The following NCAPG2 variants were observed in gnomAD, a reference collection of about 807,000 sequenced individuals.
NCAPG2 encodes the protein condensin-2 complex subunit G2.
NCAPG2 carries 53 observed loss-of-function variants against 141.1 expected under a neutral mutation model. The ratio of observed to expected loss-of-function variants is 0.38; its 90% CI spans 0.30 to 0.47. The LOEUF (loss-of-function observed/expected upper bound fraction) is 0.47, where lower values mean the gene tolerates loss of function less well. Ranked by LOEUF, NCAPG2 falls within the 20% of genes least tolerant of loss-of-function variation. The pLI is 0.99. For missense variants in NCAPG2, 1,087 were observed against 1,389.0 expected (o/e 0.78, Z 3.46); for synonymous variants, 499 against 490.7 (o/e 1.02, Z -0.22).
intron 9 of NCAPG2, among the ~76,000 whole-genome samples, chr7:158,682,103 T>A (rs981797661): frequency 2.0e-5 from 3 of 152,156 alleles, no homozygotes; most frequent in African/African-American, 7.2e-5. Flanking sequence ...TTCCATAAAT[T>A]TACCAAATAG....
intron 8 of NCAPG2, among the ~76,000 whole-genome samples, chr7:158,685,045 G>A (rs780718599): frequency 3.0e-4 from 46 of 152,202 alleles, no homozygotes; most frequent in Non-Finnish European, 6.2e-4. Context: ...ATAGAACACA[G>A]GGTTGTGAGA....
intron 22 of NCAPG2, among the ~76,000 whole-genome samples, chr7:158,652,950 G>C (rs772728843): frequency 7.2e-5 from 11 of 152,170 alleles, no homozygotes; most frequent in Non-Finnish European, 1.6e-4. Flanking sequence ...AATAAAAGTA[G>C]ATTTGGTCCT....
rs779377814 is a variant in NCAPG2, at chr7:158,692,921, A to T, written c.303T>A (p.Ser101=). 9.4e-6 allele frequency: 15 copies of T among 1,590,140 alleles called. No individual in the cohort carries two copies. The African/African-American group carries it at 1.5e-4, about 16-fold the overall frequency. ...TTACAGACACAGAAGCAAGAATCAC[A>T]GATGTAATTGCATAAATTATTTCTA... The part of the protein sequence containing the change: ...KSIEIIYAIT[S]VILASVSVIN... The change falls in exon 4 of 28, where the codon TCT becomes TCA. Residue 101 remains serine (S), a synonymous_variant. Coordinates refer to ENST00000356309, the MANE Select transcript of NCAPG2 (RefSeq NM_017760.7).
chr7:158,656,388 G>C lies in NCAPG2; in HGVS notation c.2260C>G (p.Pro754Ala). The C allele has an allele frequency of 1.2e-6, 2 of 1,614,152 alleles. No homozygotes were observed. Among genetic ancestry groups the C allele is most frequent in the Non-Finnish European group, 1.7e-6 (2 of 1,180,028 alleles). ...ACCAATGCCAATTCAGGTTTGACTG[G>C]GCGTGTGTCATGGATCTGCACCCTA... ...KGRVQIHDTR[P>A]VKPELALVYI... The change falls in exon 19 of 28, where the codon CCA (proline) becomes GCA (alanine). Residue 754 changes from proline to alanine, a missense_variant. Coordinates refer to ENST00000356309, the MANE Select transcript of NCAPG2 (RefSeq NM_017760.7).
intron 8 of NCAPG2, 70 bp from the exon 9 acceptor site, chr7:158,683,456 G>A (rs6969248): frequency 0.89 from 977,401 of 1,098,634 alleles, 435,188 homozygotes; most frequent in Admixed American, 0.95. Flanking sequence ...CAAGCAGTGC[G>A]GCATTTGAGT....
At chr7:158,638,154 CA>C (rs1324416202) in intron 27 of NCAPG2, among the ~76,000 whole-genome samples, 2 of 151,998 alleles carry the variant, frequency 1.3e-5, no homozygotes, top group Admixed American at 6.5e-5. Flanking sequence ...CAAAAACAAA[CA>C]AAAAAATCCC....
At chr7:158,675,085 T>C (rs529055941) in intron 12 of NCAPG2, among the ~76,000 whole-genome samples, 3 of 152,350 alleles carry the variant, frequency 2.0e-5, no homozygotes, top group African/African-American at 7.2e-5. Flanking sequence ...ATGTGAGTTC[T>C]TCTTGCAAGG....
intron 8 of NCAPG2, among the ~76,000 whole-genome samples, chr7:158,685,243 A>G (rs186012833): frequency 6.6e-5 from 10 of 152,330 alleles, no homozygotes; most frequent in African/African-American, 2.4e-4. Flanking sequence ...TATTCACCAG[A>G]GTTACCCATA....
At chr7:158,651,902 A>G (rs897778943) in intron 23 of NCAPG2, among the ~76,000 whole-genome samples, 30 of 152,254 alleles carry the variant, frequency 2.0e-4, no homozygotes. Context: ...AAAGAAAGGT[A>G]TATTTTATTT....
intron 13 of NCAPG2, among the ~76,000 whole-genome samples, chr7:158,668,874 CAAG>C (rs1450374376): frequency 1.3e-5 from 2 of 152,142 alleles, no homozygotes; most frequent in African/African-American, 4.8e-5. Context: ...ACCTAGGTAT[CAAG>C]CCCAGCATCC....
chr7:158,681,524 A>C (rs1183501733), intron 9 of NCAPG2, among the ~76,000 whole-genome samples: 1 of 152,246 alleles, frequency 6.6e-6, no homozygotes, highest in Admixed American at 6.5e-5. Context: ...TTGAAAGATT[A>C]AACAGGCTGT....
chr7:158,677,559 C>T (rs1185632399), intron 11 of NCAPG2, among the ~76,000 whole-genome samples: 8 of 91,596 alleles, frequency 8.7e-5, no homozygotes, highest in Non-Finnish European at 1.4e-4. Flanking sequence ...CAGAAAAGAA[C>T]TTTAGGAATC....
Position 158,636,128 on chromosome 7 carries a change from G to A in NCAPG2, c.3381-4411C>T, listed in dbSNP as rs1378027326. 6.6e-5 allele frequency among the ~76,000 whole-genome samples: 10 copies of A among 152,148 alleles called. No individual in the cohort carries two copies. In the South Asian group the frequency reaches 2.1e-3, roughly 31 times the overall value. On this transcript the variant is annotated intron_variant, in intron 27 of 27. Transcript: ENST00000356309. ...ATCTGTGTATCATCTTAGTAGAGGG[G>A]ATGGCATGCAGGTGAATAATGGAGA...
At position 158,675,485 on chromosome 7, in the gene NCAPG2, C is replaced by G; in HGVS notation, c.1318G>C (p.Val440Leu). 1 of 1,593,822 alleles carries G rather than the reference C, an allele frequency of 6.3e-7. No homozygotes were observed. Among genetic ancestry groups the G allele is most frequent in the Non-Finnish European group, 8.5e-7 (1 of 1,175,160 alleles). Residue 440 changes from valine (V) to leucine (L), a missense_variant, in exon 12 of 28, where the codon GTC becomes CTC. Transcript: ENST00000356309. ...DTSSADVRCS[V>L]FKCLPMILDN... ...AATTTAAAAAATCTTACCTTAAAGACAGAACAACGAACATCAGCTGAGCTC... is the reference window on the plus strand; with the variant it reads ...AATTTAAAAAATCTTACCTTAAAGAGAGAACAACGAACATCAGCTGAGCTC...
rs1386392590 is a variant in NCAPG2, at chr7:158,658,376, T to C, written c.2022A>G (p.Leu674=). 6.2e-7 allele frequency: 1 copy of C among 1,612,458 alleles called. No individual in the cohort carries two copies. The highest frequency in any genetic ancestry group is 1.7e-5 in the Admixed American group (1 of 59,826). ...CAGCAGAGGCCGGCATAAAGGACAT[T>C]AGCATGAATAAAGGGATCTTGCAGC... is the stretch of plus-strand genomic sequence containing the variant. The part of the protein sequence containing the change: ...DDRCKIPLFM[L]MSFMPASAVP... The change falls in exon 17 of 28, where the codon CTA becomes CTG. Residue 674 remains leucine (L), a synonymous_variant. Transcript: ENST00000356309.
chr7:158,654,915 C>T, intron 21 of NCAPG2: 2 of 1,118,728 alleles, frequency 1.8e-6, no homozygotes, highest in Non-Finnish European at 2.4e-6. Flanking sequence ...TCGAACACCT[C>T]TTATATGTAA....
At chr7:158,641,490 G>A (rs1386889181) in intron 27 of NCAPG2, 1 of 684,516 alleles carries the variant, frequency 1.5e-6, no homozygotes, top group Non-Finnish European at 2.7e-6. Flanking sequence ...GAGGCAGAAG[G>A]ATAGATTGAG....
rs748247702 is a variant in NCAPG2 at position 158,656,687 on chromosome 7, C to T, written c.2079G>A (p.Thr693=). 12 of 1,613,970 alleles carry T rather than the reference C, an allele frequency of 7.4e-6. No individual in the cohort carries two copies. Among genetic ancestry groups the T allele is most frequent in the East Asian group, 2.2e-5 (1 of 44,874 alleles). ...CAGCGCCCTCCTCCCGGCTTCTCAG[C>T]GTGGAAATCACACCACAGCTGAAAA... The part of the protein sequence containing the change: ...VPPFSCGVIS[T]LRSREEGAVD... Residue 693 remains threonine (T), a synonymous_variant, in exon 18 of 28, where the codon ACG becomes ACA. Coordinates refer to ENST00000356309, the MANE Select transcript of NCAPG2 (RefSeq NM_017760.7).
intron 4 of NCAPG2, 45 bp downstream of exon 4, chr7:158,692,797 C>A: frequency 9.2e-7 from 1 of 1,088,150 alleles, no homozygotes; most frequent in Non-Finnish European, 1.4e-6. Flanking sequence ...ACAAGTATTT[C>A]AACACCCACT....
Sources: gnomAD v4.1 joint callset for allele counts (sites outside exome capture counted in the v4.1 genomes callset) on GRCh38, gnomAD v4.1.1 for gene constraint, MANE v1.5 for transcripts, NCBI Gene and HGNC (gene_info 2026-07-23, HGNC 2026-07-21) for gene names.